Variants in FGF14 observed in about 807,000 individuals in gnomAD.
FGF14 encodes the protein fibroblast growth factor 14, also known as fibroblast growth factor homologous factor 4.
Under a neutral mutation model 25.5 loss-of-function variants are expected in FGF14, and 5 were observed. The ratio of observed to expected loss-of-function variants is 0.20; its 90% CI spans 0.10 to 0.41. The LOEUF (loss-of-function observed/expected upper bound fraction) is 0.41, where lower values mean the gene tolerates loss of function less well. Ranked by LOEUF, FGF14 falls within the 10% of genes least tolerant of loss-of-function variation. The pLI is 1.00. For missense variants in FGF14, 222 were observed against 320.1 expected (o/e 0.69, Z 2.34); for synonymous variants, 138 against 118.3 (o/e 1.17, Z -1.08).
At chr13:102,128,378 T>A (rs1466744526) in intron 1 of FGF14, among the ~76,000 whole-genome samples, 1 of 152,216 alleles carries the variant, frequency 6.6e-6, no homozygotes, top group Non-Finnish European at 1.5e-5. Context: ...TGCCTGTGGC[T>A]GACAAGTGGA....
chr13:102,059,794 C>T (rs533644886), intron 1 of FGF14, among the ~76,000 whole-genome samples: 2 of 151,104 alleles, frequency 1.3e-5, no homozygotes, highest in Admixed American at 6.6e-5. Flanking sequence ...GAGGTTGCAG[C>T]GAGCCGAGAT....
chr13:101,960,609 T>G (rs2036790660), intron 1 of FGF14, among the ~76,000 whole-genome samples: 2 of 152,008 alleles, frequency 1.3e-5, no homozygotes, highest in Non-Finnish European at 2.9e-5. Flanking sequence ...GCATTTAGGT[T>G]GATTCCATGC....
intron 1 of FGF14, among the ~76,000 whole-genome samples, chr13:101,928,395 GGTGTGTGT>G (rs149758126): frequency 3.3e-4 from 49 of 148,030 alleles, no homozygotes; most frequent in African/African-American, 1.0e-3. Flanking sequence ...AACTTGCTGT[GGTGTGTGT>G]GTGTGTGTGT....
intron 3 of FGF14, among the ~76,000 whole-genome samples, chr13:101,809,671 A>G (rs1023732808): frequency 3.3e-5 from 5 of 152,102 alleles, no homozygotes; most frequent in African/African-American, 1.2e-4. Flanking sequence ...TGATTAAAGG[A>G]TTATAATATA....
intron 3 of FGF14, among the ~76,000 whole-genome samples, chr13:101,837,188 GTGTT>G (rs1443296859): frequency 6.6e-6 from 1 of 151,970 alleles, no homozygotes; most frequent in African/African-American, 2.4e-5. Flanking sequence ...GTGTGTATGT[GTGTT>G]TGTGTGTGTG....
chr13:102,065,837 A>G (rs1032789588), intron 1 of FGF14, among the ~76,000 whole-genome samples: 1 of 152,118 alleles, frequency 6.6e-6, no homozygotes, highest in Non-Finnish European at 1.5e-5. Flanking sequence ...TATATAAAAT[A>G]TAAAAGTCAT....
chr13:101,965,067 C>A (rs569124935), intron 1 of FGF14, among the ~76,000 whole-genome samples: 1 of 152,050 alleles, frequency 6.6e-6, no homozygotes, highest in South Asian at 2.1e-4. Flanking sequence ...CATGGGGAGA[C>A]CCCCTTGTCT....
intron 3 of FGF14, among the ~76,000 whole-genome samples, chr13:101,765,774 G>A (rs1357737452): frequency 6.6e-6 from 1 of 151,510 alleles, no homozygotes; most frequent in South Asian, 2.1e-4. Flanking sequence ...TTGTCGCCCA[G>A]GCTGGAGTAC....
intron 1 of FGF14, among the ~76,000 whole-genome samples, chr13:101,914,846 T>C (rs1049989329): frequency 1.3e-5 from 2 of 152,196 alleles, no homozygotes; most frequent in Non-Finnish European, 2.9e-5. Context: ...GTGAAAACTG[T>C]ATTCTAAAAG....
At chr13:101,797,270 G>A (rs553344740) in intron 3 of FGF14, among the ~76,000 whole-genome samples, 5 of 152,088 alleles carry the variant, frequency 3.3e-5, no homozygotes, top group South Asian at 2.1e-4. Context: ...TGGAGTATAC[G>A]GGTTAAGTTT....
At chr13:102,144,772 T>C (rs2046785437) in intron 1 of FGF14, among the ~76,000 whole-genome samples, 1 of 152,174 alleles carries the variant, frequency 6.6e-6, no homozygotes, top group South Asian at 2.1e-4. Context: ...AGGAGCTTGA[T>C]GCCATGCAAC....
In FGF14 at chr13:101,916,848, C is replaced by T. The variant is rs925382214; in HGVS notation, c.-203G>A. On this transcript the variant is annotated 5_prime_UTR_variant, in exon 1 of 5. Transcript: ENST00000376143. ...TCCGCGGGGCGCGGGGCCAGGCGCG[C>T]AGATGCGCCCAGGGCGCAGCCGGAC... Among the ~76,000 whole-genome samples, 5 of 152,146 alleles carry T rather than the reference C, an allele frequency of 3.3e-5. No individual in the cohort carries two copies. Among genetic ancestry groups the T allele is most frequent in the Admixed American group, 3.3e-4 (5 of 15,282 alleles).
chr13:102,205,984 TAAAAAAAA>T (rs36108366), intron 1 of FGF14, among the ~76,000 whole-genome samples: 1 of 47,442 alleles, frequency 2.1e-5, no homozygotes, highest in African/African-American at 7.0e-5. Context: ...CTCCCTGTGG[TAAAAAAAA>T]AAAAAAAAAA....
At chr13:101,874,159 A>T (rs1240194237) in intron 2 of FGF14, among the ~76,000 whole-genome samples, 1 of 152,088 alleles carries the variant, frequency 6.6e-6, no homozygotes, top group Non-Finnish European at 1.5e-5. Context: ...TGGCAATTTG[A>T]TCACTGGAAT....
At chr13:101,846,774 G>A (rs1169052992) in intron 3 of FGF14, among the ~76,000 whole-genome samples, 1 of 152,022 alleles carries the variant, frequency 6.6e-6, no homozygotes, top group Non-Finnish European at 1.5e-5. Flanking sequence ...GTAAGTGTAA[G>A]TTCATGGCTT....
chr13:101,843,908 G>A (rs907720328), intron 3 of FGF14, among the ~76,000 whole-genome samples: 1 of 152,002 alleles, frequency 6.6e-6, no homozygotes, highest in Non-Finnish European at 1.5e-5. Context: ...AATACTGTTA[G>A]TTATCTATAT....
chr13:102,020,441 G>A (rs753845911), intron 1 of FGF14, among the ~76,000 whole-genome samples: 38 of 152,170 alleles, frequency 2.5e-4, no homozygotes, highest in South Asian at 1.2e-3. Context: ...CCAGCTACTT[G>A]GGAGCCTGAG....
upstream of FGF14, among the ~76,000 whole-genome samples, chr13:101,917,317 T>TC (rs2033632211): frequency 1.3e-5 from 2 of 151,754 alleles, no homozygotes; most frequent in African/African-American, 4.8e-5. Context: ...ACCTATGTGG[T>TC]CCCCCTCCTG....
intron 1 of FGF14, among the ~76,000 whole-genome samples, chr13:101,884,348 G>A (rs1221236270): frequency 6.6e-6 from 1 of 152,050 alleles, no homozygotes; most frequent in African/African-American, 2.4e-5. Flanking sequence ...TGTTTAATCT[G>A]AAGATGATGA....
Sources: allele counts gnomAD v4.1 joint callset (sites outside exome capture counted in the v4.1 genomes callset), GRCh38; gene constraint gnomAD v4.1.1; transcripts MANE v1.5; gene names NCBI Gene and HGNC (gene_info 2026-07-23, HGNC 2026-07-21).